Variants in LRRC69 observed in about 807,000 individuals in gnomAD.
The protein encoded by LRRC69 is leucine-rich repeat-containing protein 69.
In LRRC69, 42 loss-of-function variants were observed where a neutral mutation model predicts 37.8. That is an observed-to-expected ratio of 1.11 (90% CI 0.87 to 1.44). LRRC69 has a LOEUF of 1.44. Among genes scored for constraint, LRRC69 ranks in the 40% most tolerant of loss-of-function variants. LRRC69 has a pLI of 0.00. For missense variants in LRRC69, 357 were observed against 401.9 expected (o/e 0.89, Z 0.96); for synonymous variants, 141 against 143.1 (o/e 0.99, Z 0.11).
chr8:91,158,128 T>C (rs1203549417), intron 5 of LRRC69: 1 of 1,590,850 alleles, frequency 6.3e-7, no homozygotes, highest in Non-Finnish European at 8.6e-7. Flanking sequence ...CATTACCAGG[T>C]GAAACTCTCA....
chr8:91,210,562 G>GACACACAC (rs35968986), intron 7 of LRRC69, among the ~76,000 whole-genome samples: 1,660 of 146,164 alleles, frequency 0.011, 20 homozygotes, highest in African/African-American at 0.024. Context: ...CACACACACA[G>GACACACAC]ACACACACAC....
chr8:91,196,667 A>T (rs1365108915), intron 6 of LRRC69, among the ~76,000 whole-genome samples: 1 of 152,030 alleles, frequency 6.6e-6, no homozygotes, highest in East Asian at 1.9e-4. Flanking sequence ...TTCTTCCCGT[A>T]GTTCTCGAGC....
chr8:91,143,580 A>G (rs1808567140), intron 5 of LRRC69, among the ~76,000 whole-genome samples: 1 of 151,986 alleles, frequency 6.6e-6, no homozygotes, highest in Admixed American at 6.6e-5. Flanking sequence ...TACTGTTTTT[A>G]TAAGAAAAAA....
intron 1 of LRRC69, among the ~76,000 whole-genome samples, chr8:91,112,407 G>T (rs947699833): frequency 6.6e-6 from 1 of 151,988 alleles, no homozygotes; most frequent in South Asian, 2.1e-4. Flanking sequence ...CAGCACTGCA[G>T]CACCTTTTAC....
intron 6 of LRRC69, among the ~76,000 whole-genome samples, chr8:91,194,395 T>C (rs1164008703): frequency 1.3e-5 from 2 of 151,828 alleles, no homozygotes; most frequent in African/African-American, 4.9e-5. Flanking sequence ...TATTGTTTTA[T>C]TGATTGGAAT....
chr8:91,164,294 C>T (rs1057330854), intron 5 of LRRC69, among the ~76,000 whole-genome samples: 6 of 151,634 alleles, frequency 4.0e-5, no homozygotes, highest in African/African-American at 1.2e-4. Flanking sequence ...AAACTAACTT[C>T]TCTGTCAAGA....
In LRRC69 at chr8:91,200,769, G is replaced by A. The variant is rs200800098; in HGVS notation, c.910G>A (p.Val304Ile). The change falls in exon 7 of 8, where the codon GTT becomes ATT. Residue 304 changes from valine to isoleucine, a missense_variant. By Grantham distance (29) the Val-to-Ile change is conservative. Coordinates refer to ENST00000448384, the Ensembl canonical transcript of LRRC69. ...CTTTATAACCGTATGGCTGGAATGT[G>A]TTCGATTTGTTCCTCCACCAAAGGT... is the stretch of plus-strand genomic sequence containing the variant. 53 of 1,531,022 alleles carry A rather than the reference G, an allele frequency of 3.5e-5. 1 individual carries two copies. The highest frequency in any genetic ancestry group is 1.7e-4 in the Middle Eastern group (1 of 5,958). The allele number at this position is 1,531,022 out of a possible 1,614,324, so 94.8% of individuals were successfully genotyped here. A position where few individuals can be genotyped will look rare whatever the true frequency, so the allele number is the denominator to read the frequency against.
intron 5 of LRRC69, among the ~76,000 whole-genome samples, chr8:91,150,399 G>A (rs551683718): frequency 2.0e-4 from 31 of 151,978 alleles, no homozygotes; most frequent in South Asian, 8.3e-4. Context: ...ATTGATTTGC[G>A]TATATTGAAC....
At chr8:91,160,819 T>G (rs1452277795) in intron 5 of LRRC69, among the ~76,000 whole-genome samples, 6 of 151,262 alleles carry the variant, frequency 4.0e-5, no homozygotes, top group Non-Finnish European at 7.4e-5. Context: ...CTATGTTGAA[T>G]AAGAGTGGTA....
intron 5 of LRRC69, among the ~76,000 whole-genome samples, chr8:91,141,521 A>G (rs139628632): frequency 8.7e-4 from 132 of 152,236 alleles, no homozygotes; most frequent in Middle Eastern, 3.4e-3. Context: ...AACCTCCTTG[A>G]TGAGGTTTAT....
chr8:91,108,016 C>A (rs764213658), intron 1 of LRRC69, among the ~76,000 whole-genome samples: 4 of 152,024 alleles, frequency 2.6e-5, no homozygotes, highest in Non-Finnish European at 5.9e-5. Flanking sequence ...ACAGGTAAAA[C>A]AAATAGCCAT....
At chr8:91,137,866 AAG>A (rs1808448622) in intron 5 of LRRC69, among the ~76,000 whole-genome samples, 1 of 152,094 alleles carries the variant, frequency 6.6e-6, no homozygotes, top group Admixed American at 6.6e-5. Context: ...TTATCAGTGA[AAG>A]AGAGTAAGTT....
intron 7 of LRRC69, among the ~76,000 whole-genome samples, chr8:91,202,836 T>C (rs1809733993): frequency 6.6e-6 from 1 of 152,134 alleles, no homozygotes; most frequent in Admixed American, 6.5e-5. Context: ...GCATAGAGAA[T>C]GAATTAGAGG....
At chr8:91,122,507 T>C (rs1168958364) in intron 1 of LRRC69, among the ~76,000 whole-genome samples, 1 of 152,070 alleles carries the variant, frequency 6.6e-6, no homozygotes, top group Admixed American at 6.6e-5. Flanking sequence ...AGTGCAAAAA[T>C]AGTAATATTC....
chr8:91,105,488 G>A (rs1017676457), intron 1 of LRRC69, among the ~76,000 whole-genome samples: 1 of 151,744 alleles, frequency 6.6e-6, no homozygotes, highest in East Asian at 1.9e-4. Context: ...GTTTGAAACT[G>A]GCCTGGGCAA....
intron 7 of LRRC69, among the ~76,000 whole-genome samples, chr8:91,217,019 A>G (rs369661001): frequency 2.0e-5 from 3 of 152,138 alleles, no homozygotes; most frequent in Admixed American, 2.0e-4. Context: ...TATATTGTGA[A>G]ATCTTGCTTA....
At chr8:91,129,939 C>CT (rs1178241761) in intron 3 of LRRC69, among the ~76,000 whole-genome samples, 11 of 151,674 alleles carry the variant, frequency 7.3e-5, no homozygotes, top group East Asian at 3.9e-4. Context: ...ATATAATGGC[C>CT]TTTTTTTTCT....
At chr8:91,106,479 T>C (rs1292648495) in intron 1 of LRRC69, among the ~76,000 whole-genome samples, 2 of 152,014 alleles carry the variant, frequency 1.3e-5, no homozygotes, top group African/African-American at 4.8e-5. Flanking sequence ...ACATCAACCA[T>C]TCACTGGGAG....
chr8:91,123,287 A>G (rs534669384), intron 1 of LRRC69, among the ~76,000 whole-genome samples: 10 of 152,162 alleles, frequency 6.6e-5, no homozygotes, highest in African/African-American at 2.2e-4. Flanking sequence ...AACCAATACA[A>G]TTACAGACTC....
Sources: gnomAD v4.1 joint callset for allele counts (sites outside exome capture counted in the v4.1 genomes callset) on GRCh38, gnomAD v4.1.1 for gene constraint, MANE v1.5 for transcripts, NCBI Gene and HGNC (gene_info 2026-07-23, HGNC 2026-07-21) for gene names.